AMT: variants seen among roughly 807,000 people sequenced by gnomAD.
AMT encodes aminomethyltransferase, also known as aminomethyltransferase, mitochondrial.
AMT carries 24 observed loss-of-function variants against 39.5 expected under a neutral mutation model. That is an observed-to-expected ratio of 0.61 (90% CI 0.44 to 0.86). The LOEUF is 0.86. AMT is among the 40% of genes least tolerant of loss of function. AMT has a pLI of 0.00. For missense variants in AMT, 501 were observed against 537.0 expected (o/e 0.93, Z 0.66); for synonymous variants, 210 against 212.1 (o/e 0.99, Z 0.09).
intron 2 of AMT, 178 bp downstream of exon 2, chr3:49,421,926 G>T: frequency 1.1e-6 from 1 of 871,898 alleles, no homozygotes; most frequent in Non-Finnish European, 1.9e-6. Context: ...GAGATGATGA[G>T]ACCCTCTGAG....
chr3:49,422,274 G>A lies in AMT; in HGVS notation c.91-3C>T. 6.2e-7 allele frequency: 1 copy of A among 1,613,894 alleles called. No individual in the cohort carries two copies. The highest frequency in any genetic ancestry group is 1.1e-5 in the South Asian group (1 of 91,088). ...AGCGGTGTCCTGCGGAGCACCTCCT[G>A]TGGGCGGCTGGGCTTAGTGCCACCA... On this transcript the variant is annotated splice_polypyrimidine_tract_variant and splice_region_variant and intron_variant, in intron 1 of 8. Coordinates refer to ENST00000273588, the MANE Select transcript of AMT (RefSeq NM_000481.4).
At chr3:49,417,786 C>G (rs1559527648) in intron 8 of AMT, 32 bp downstream of exon 8, 1 of 1,614,032 alleles carries the variant, frequency 6.2e-7, no homozygotes, top group East Asian at 2.2e-5. Flanking sequence ...TGGGAAGAGA[C>G]AAGGGTTTCC....
chr3:49,419,929 C>T (rs1363960294), intron 4 of AMT, 141 bp from the exon 5 acceptor site: 12 of 903,278 alleles, frequency 1.3e-5, no homozygotes, highest in Non-Finnish European at 1.8e-5. Flanking sequence ...GGCTGGTTCC[C>T]ATCTTACAAG....
chr3:49,419,599 C>T, intron 5 of AMT, 111 bp downstream of exon 5: 3 of 1,441,796 alleles, frequency 2.1e-6, no homozygotes, highest in Non-Finnish European at 2.9e-6. Context: ...AAAATTATGG[C>T]ACACAAATAT....
In AMT at chr3:49,418,627, G is replaced by C. The variant is rs1050119218; in HGVS notation, c.877+344C>G. On this transcript the variant is annotated intron_variant, in intron 7 of 8. Coordinates refer to ENST00000273588, the MANE Select transcript of AMT (RefSeq NM_000481.4). ...TGCCATTCTCCTGCCTCAGCCTCCC[G>C]AGTAGCTGGGACTACAGGCGCCCGC... 4 of 303,476 alleles carry C rather than the reference G, an allele frequency of 1.3e-5. No homozygotes were observed. In the East Asian group the frequency reaches 3.6e-4, roughly 27 times the overall value. The allele number at this position is 303,476 out of a possible 1,614,324, so 18.8% of individuals were successfully genotyped here. A position where few individuals can be genotyped will look rare whatever the true frequency, so the allele number is the denominator to read the frequency against.
At chr3:49,418,801 G>A (rs1241573608) in intron 7 of AMT, 170 bp downstream of exon 7, 22 of 735,716 alleles carry the variant, frequency 3.0e-5, no homozygotes, top group Admixed American at 8.7e-5. Flanking sequence ...CACCGCATCC[G>A]GCCAACATCT....
chr3:49,417,545 TGAG>T lies in AMT; in HGVS notation c.1204_1206del (p.Leu402del), dbSNP rs1559527384. 5 of 1,614,048 alleles carry T rather than the reference TGAG, an allele frequency of 3.1e-6. No homozygotes were observed. The highest frequency in any genetic ancestry group is 4.2e-6 in the Non-Finnish European group (5 of 1,180,028). The stretch of plus-strand genomic sequence containing the variant: ...AGCCCCACCCTGAGCCAGCTTCACT[TGAG>T]GGTATAGTAGTTTGTGGGCACAAAG... On this transcript the variant is annotated inframe_deletion, in exon 9 of 9. Transcript: ENST00000273588.
chr3:49,418,847 C>T, intron 7 of AMT, 124 bp downstream of exon 7: 1 of 1,073,622 alleles, frequency 9.3e-7, no homozygotes, highest in Admixed American at 1.9e-5. Flanking sequence ...GTGGCACCTT[C>T]AGGGAAGGGA....
In AMT at chr3:49,422,270, T is replaced by C; in HGVS notation, c.92A>G (p.Glu31Gly). Reference sequence around the variant, plus strand: ...ATAGAGCGGTGTCCTGCGGAGCACCTCCTGTGGGCGGCTGGGCTTAGTGCC... The same window carrying C: ...ATAGAGCGGTGTCCTGCGGAGCACCCCCTGTGGGCGGCTGGGCTTAGTGCC... ...ALCRPLSCAQ[E>G]VLRRTPLYDF... Residue 31 changes from glutamate to glycine, a missense_variant and splice_region_variant, in exon 2 of 9, where the codon GAG becomes GGG. Glu to Gly is a moderately conservative substitution (Grantham distance 98). Transcript: ENST00000273588. 6.2e-7 allele frequency: 1 copy of C among 1,613,898 alleles called. No individual in the cohort carries two copies. Among genetic ancestry groups the C allele is most frequent in the Non-Finnish European group, 8.5e-7 (1 of 1,179,948 alleles).
intron 7 of AMT, 117 bp downstream of exon 7, chr3:49,418,854 G>A: frequency 8.8e-7 from 1 of 1,131,938 alleles, no homozygotes; most frequent in Non-Finnish European, 1.3e-6. Flanking sequence ...CTTCAGGGAA[G>A]GGAGGCTCAG....
chr3:49,422,314 A>G (rs1376610339), intron 1 of AMT, 43 bp from the exon 2 acceptor site: 1 of 1,578,718 alleles, frequency 6.3e-7, no homozygotes, highest in South Asian at 1.1e-5. Context: ...CCTAGCCCCC[A>G]GCCGCTTCCC....
chr3:49,418,869 G>A, intron 7 of AMT, 102 bp downstream of exon 7: 1 of 1,299,116 alleles, frequency 7.7e-7, no homozygotes, highest in Non-Finnish European at 1.1e-6. Context: ...GCTCAGGAAG[G>A]CTTCAGGCTA....
At chr3:49,418,541 C>T (rs1279114942) in intron 7 of AMT, 1 of 155,442 alleles carries the variant, frequency 6.4e-6, no homozygotes, top group Non-Finnish European at 1.3e-5. Flanking sequence ...CGCTCTATCG[C>T]CCTGGCTGGA....
rs1490121045 is a variant in AMT at position 49,419,923 on chromosome 3, GGTT to G, written c.472-138_472-136del. 5.4e-6 allele frequency: 5 copies of G among 925,944 alleles called. No individual in the cohort carries two copies. In the Admixed American group the frequency reaches 9.2e-5, roughly 17 times the overall value. 57.4% of individuals were successfully genotyped at this position (925,944 alleles called of 1,614,324 possible). The stretch of plus-strand genomic sequence containing the variant: ...GGAGGAAAAAAAAAGGTAGTAGGCT[GGTT>G]CCCATCTTACAAGGTCACATAGCTA... On this transcript the variant is annotated intron_variant, in intron 4 of 8. Transcript: ENST00000273588.
In AMT at chr3:49,419,077, C is replaced by G; in HGVS notation, c.771G>C (p.Gly257=). Residue 257 remains glycine, a synonymous_variant, in exon 7 of 9, where the codon GGG becomes GGC. Transcript: ENST00000273588. The part of the protein sequence containing the change: ...ILKNPEVKLA[G]LAARDSLRLE... ...GGCGCAGGCTGTCCCTGGCTGCCAG[C>G]CCTGCCAGCTTCACCTCTGGGTTTT... The G allele has an allele frequency of 1.9e-6, 3 of 1,614,142 alleles. No homozygotes were observed. In the South Asian group the frequency reaches 3.3e-5, roughly 18 times the overall value.
rs1008341193 is a variant in AMT, at chr3:49,422,189, G to A, written c.173C>T (p.Pro58Leu). 3.1e-6 allele frequency: 5 copies of A among 1,613,886 alleles called. No homozygotes were observed. In the African/African-American group the frequency reaches 6.7e-5, roughly 22 times the overall value. Residue 58 changes from proline (P) to leucine (L), a missense_variant, in exon 2 of 9, where the codon CCA becomes CTA. Transcript: ENST00000273588. Reference sequence around the variant, plus strand: ...AGTGTGACTGTCCCGGTACTGCACTGGCAGACTCCAACCCGCAAACGCCAC... The same window carrying A: ...AGTGTGACTGTCCCGGTACTGCACTAGCAGACTCCAACCCGCAAACGCCAC... The part of the protein sequence containing the change: ...KMVAFAGWSL[P>L]VQYRDSHTDS...
chr3:49,419,924 G>A (rs548243290), intron 4 of AMT, 136 bp from the exon 5 acceptor site: 37 of 923,064 alleles, frequency 4.0e-5, no homozygotes, highest in Non-Finnish European at 5.1e-5. Context: ...TAGTAGGCTG[G>A]TTCCCATCTT....
chr3:49,422,399 A>T lies in AMT; in HGVS notation c.52T>A (p.Phe18Ile). ...AGTGGACGACACAAGGCCGGGGGGAATGCCTGCAGGCGAAAGCCCAGACGG... is the reference window on the plus strand; with the variant it reads ...AGTGGACGACACAAGGCCGGGGGGATTGCCTGCAGGCGAAAGCCCAGACGG... ...VARLGFRLQA[F>I]PPALCRPLSC... The change falls in exon 1 of 9, where the codon TTC becomes ATC. Residue 18 changes from phenylalanine (F) to isoleucine (I), a missense_variant. By Grantham distance (21) the Phe-to-Ile change is conservative (BLOSUM62 0). Coordinates refer to ENST00000273588, the MANE Select transcript of AMT (RefSeq NM_000481.4). The T allele has an allele frequency of 6.2e-7, 1 of 1,613,810 alleles. No individual in the cohort carries two copies. Among genetic ancestry groups the T allele is most frequent in the African/African-American group, 1.3e-5 (1 of 75,030 alleles).
At position 49,422,020 on chromosome 3, in the gene AMT, T is replaced by A. The variant is rs764777164; in HGVS notation, c.258+84A>T. 4.4e-6 allele frequency: 7 copies of A among 1,586,706 alleles called. No homozygotes were observed. In the African/African-American group the frequency reaches 8.1e-5, roughly 18 times the overall value. On this transcript the variant is annotated intron_variant, in intron 2 of 8. Transcript: ENST00000273588. Reference sequence around the variant, plus strand: ...GAGAAGGCTGTCCTTGGAATCCAGTTCACAGCAAACAAAGCCAAGGAGTGG... The same window carrying A: ...GAGAAGGCTGTCCTTGGAATCCAGTACACAGCAAACAAAGCCAAGGAGTGG...
Sources: gnomAD v4.1 joint callset for allele counts on GRCh38, gnomAD v4.1.1 for gene constraint, MANE v1.5 for transcripts, NCBI Gene and HGNC (gene_info 2026-07-23, HGNC 2026-07-21) for gene names.